NRG3: variants seen among roughly 807,000 people sequenced by gnomAD.
NRG3 encodes pro-neuregulin-3, membrane-bound isoform.
Under a neutral mutation model 66.9 loss-of-function variants are expected in NRG3, and 31 were observed. That is an observed-to-expected ratio of 0.46 (90% confidence interval 0.35 to 0.63). The LOEUF (loss-of-function observed/expected upper bound fraction) is 0.63, where lower values mean the gene tolerates loss of function less well. Ranked by LOEUF, NRG3 falls within the 20% of genes least tolerant of loss-of-function variation. NRG3 has a pLI of 0.00. For missense variants in NRG3, 910 were observed against 878.9 expected (o/e 1.04, Z -0.45); for synonymous variants, 393 against 359.4 (o/e 1.09, Z -1.06).
intron 1 of NRG3, among the ~76,000 whole-genome samples, chr10:81,967,423 A>T (rs1368787965): frequency 1.3e-5 from 2 of 151,674 alleles, no homozygotes; most frequent in Non-Finnish European, 2.9e-5. Flanking sequence ...ATATTCTGAG[A>T]TTTCCTTTGT....
intron 1 of NRG3, among the ~76,000 whole-genome samples, chr10:82,092,611 C>T (rs2066093591): frequency 2.0e-5 from 3 of 152,012 alleles, no homozygotes; most frequent in Non-Finnish European, 4.4e-5. Flanking sequence ...ACATGGGTCT[C>T]TTGTATTTCT....
At chr10:82,348,040 T>G (rs2083150283) in intron 1 of NRG3, among the ~76,000 whole-genome samples, 1 of 152,072 alleles carries the variant, frequency 6.6e-6, no homozygotes, top group African/African-American at 2.4e-5. Context: ...GTCTGTGTCT[T>G]TTAATTGGAG....
At chr10:82,289,293 T>A (rs143330683) in intron 1 of NRG3, among the ~76,000 whole-genome samples, 1 of 152,056 alleles carries the variant, frequency 6.6e-6, no homozygotes, top group Non-Finnish European at 1.5e-5. Flanking sequence ...TCTGTCCCCC[T>A]TTTCTCCCCC....
intron 2 of NRG3, among the ~76,000 whole-genome samples, chr10:82,406,298 G>T (rs761017455): frequency 6.6e-6 from 1 of 152,104 alleles, no homozygotes; most frequent in African/African-American, 2.4e-5. Flanking sequence ...ATTAATCATA[G>T]AACTTATGGG....
chr10:82,196,984 T>A lies in NRG3; in HGVS notation c.824-161755T>A, dbSNP rs563355281. ...GTTCTCAACACAATTCTCTGAGTTG[T>A]CTAGTGAGTAGAAATAGAAGCCAGA... On this transcript the variant is annotated intron_variant, in intron 1 of 8. Coordinates refer to ENST00000372141, the MANE Select transcript of NRG3 (RefSeq NM_001010848.4). Among the ~76,000 whole-genome samples the A allele has an allele frequency of 3.9e-5, 6 of 152,326 alleles. No individual in the cohort carries two copies. The East Asian group carries it at 1.2e-3, about 29-fold the overall frequency.
chr10:82,033,727 G>T (rs1158991416), intron 1 of NRG3, among the ~76,000 whole-genome samples: 1 of 151,994 alleles, frequency 6.6e-6, no homozygotes, highest in Non-Finnish European at 1.5e-5. Context: ...ATGCATCAGG[G>T]ATTTGAGCAT....
intron 1 of NRG3, among the ~76,000 whole-genome samples, chr10:82,089,394 C>G (rs928606201): frequency 2.6e-5 from 4 of 152,092 alleles, no homozygotes; most frequent in Non-Finnish European, 5.9e-5. Flanking sequence ...ATCTGTGCTT[C>G]CCTTGTGTTC....
intron 1 of NRG3, among the ~76,000 whole-genome samples, chr10:82,017,916 T>C (rs1258497601): frequency 1.2e-4 from 19 of 152,310 alleles, no homozygotes; most frequent in Non-Finnish European, 2.5e-4. Flanking sequence ...GGCAGTTTCT[T>C]TTGCTGTGCA....
chr10:82,392,265 A>G (rs2086427553), intron 2 of NRG3, among the ~76,000 whole-genome samples: 1 of 152,160 alleles, frequency 6.6e-6, no homozygotes, highest in Non-Finnish European at 1.5e-5. Context: ...GCGAGAAATA[A>G]TATGCCAAAA....
At position 81,935,240 on chromosome 10, in the gene NRG3, G is replaced by A. The variant is rs765099498; in HGVS notation, c.823+59077G>A. Among the ~76,000 whole-genome samples, 68 of 152,178 alleles carry A rather than the reference G, an allele frequency of 4.5e-4. 1 individual carries two copies. Among genetic ancestry groups the A allele is most frequent in the Non-Finnish European group, 7.8e-4 (53 of 67,998 alleles). On this transcript the variant is annotated intron_variant, in intron 1 of 8. Transcript: ENST00000372141. Reference sequence around the variant, plus strand: ...TATTTGGCACTAAGTATAATTATCTGCAAATATGAGTTTGTTTGGCAAGAT... The same window carrying A: ...TATTTGGCACTAAGTATAATTATCTACAAATATGAGTTTGTTTGGCAAGAT...
rs181478512 is a variant in NRG3 at position 82,389,314 on chromosome 10, G to A, written c.953+30446G>A. ...CACTGTGTTAGTGTAACTTTGAAAAGTCAATCCCTCAGTAAACCTTGCTCT... is the reference window on the plus strand; with the variant it reads ...CACTGTGTTAGTGTAACTTTGAAAAATCAATCCCTCAGTAAACCTTGCTCT... On this transcript the variant is annotated intron_variant, in intron 2 of 8. Transcript: ENST00000372141. 1.3e-4 allele frequency among the ~76,000 whole-genome samples: 20 copies of A among 152,270 alleles called. No homozygotes were observed. The East Asian group carries it at 3.9e-3, about 29-fold the overall frequency.
At chr10:82,718,266 C>T (rs984967957) in intron 2 of NRG3, among the ~76,000 whole-genome samples, 3 of 152,088 alleles carry the variant, frequency 2.0e-5, no homozygotes, top group East Asian at 3.9e-4. Flanking sequence ...CCTTGCTTAG[C>T]TTCTGACTCT....
At chr10:82,214,794 A>T (rs1261915623) in intron 1 of NRG3, among the ~76,000 whole-genome samples, 1 of 152,050 alleles carries the variant, frequency 6.6e-6, no homozygotes, top group African/African-American at 2.4e-5. Flanking sequence ...GTAGGTTTGT[A>T]TTTGTTTTTA....
intron 1 of NRG3, among the ~76,000 whole-genome samples, chr10:81,930,033 A>G (rs2132974688): frequency 6.6e-6 from 1 of 152,274 alleles, no homozygotes; most frequent in Admixed American, 6.5e-5. Context: ...TTCCAGCCTC[A>G]ATGCACTGGG....
At chr10:82,642,335 C>A (rs1056099566) in intron 2 of NRG3, among the ~76,000 whole-genome samples, 1 of 151,620 alleles carries the variant, frequency 6.6e-6, no homozygotes, top group East Asian at 1.9e-4. Context: ...TAGTATACCA[C>A]AATTTTCCAA....
chr10:81,942,675 A>G (rs771952418), intron 1 of NRG3, among the ~76,000 whole-genome samples: 18 of 152,148 alleles, frequency 1.2e-4, no homozygotes, highest in Non-Finnish European at 2.4e-4. Flanking sequence ...CAATTCACTG[A>G]TCTAGCTGCA....
chr10:82,284,137 A>G lies in NRG3; in HGVS notation c.824-74602A>G, dbSNP rs544674545. On this transcript the variant is annotated intron_variant, in intron 1 of 8. Coordinates refer to ENST00000372141, the MANE Select transcript of NRG3 (RefSeq NM_001010848.4). ...TTAGTGACAAATGTACCCACTTCAGAACAGGAGCCAATATCTGCGTATCAG... is the reference window on the plus strand; with the variant it reads ...TTAGTGACAAATGTACCCACTTCAGGACAGGAGCCAATATCTGCGTATCAG... Among the ~76,000 whole-genome samples the G allele has an allele frequency of 8.5e-5, 13 of 152,342 alleles. No homozygotes were observed. The South Asian group carries it at 2.7e-3, about 32-fold the overall frequency.
intron 2 of NRG3, among the ~76,000 whole-genome samples, chr10:82,659,405 T>G (rs554573476): frequency 6.6e-6 from 1 of 152,224 alleles, no homozygotes; most frequent in East Asian, 1.9e-4. Context: ...CGCCTGTAAT[T>G]CCAGCACTTT....
chr10:82,147,712 T>G (rs1290824713), intron 1 of NRG3, among the ~76,000 whole-genome samples: 1 of 152,174 alleles, frequency 6.6e-6, no homozygotes, highest in Non-Finnish European at 1.5e-5. Flanking sequence ...TTCATGGTAT[T>G]TATCAGTAAT....
Sources: allele counts gnomAD v4.1 joint callset (sites outside exome capture counted in the v4.1 genomes callset), GRCh38; gene constraint gnomAD v4.1.1; transcripts MANE v1.5; gene names NCBI Gene and HGNC (gene_info 2026-07-23, HGNC 2026-07-21).